Variants in AFAP1 observed in about 807,000 individuals in gnomAD.
AFAP1 encodes actin filament-associated protein 1.
In AFAP1, 75 loss-of-function variants were observed where a neutral mutation model predicts 93.9. The ratio of observed to expected loss-of-function variants is 0.80; its 90% CI spans 0.66 to 0.97. The LOEUF is 0.97. Among genes scored for constraint, AFAP1 ranks in the 50% least tolerant of loss-of-function variants. AFAP1 has a pLI of 0.00. For missense variants in AFAP1, 1,201 were observed against 1,050.8 expected (o/e 1.14, Z -1.98); for synonymous variants, 517 against 430.7 (o/e 1.20, Z -2.48).
At chr4:7,936,227 G>C (rs1018333249) in intron 1 of AFAP1, among the ~76,000 whole-genome samples, 1 of 152,172 alleles carries the variant, frequency 6.6e-6, no homozygotes, top group Non-Finnish European at 1.5e-5. Context: ...CCTTTCTACA[G>C]AGACACGTGG....
intron 16 of AFAP1, among the ~76,000 whole-genome samples, chr4:7,771,871 T>A (rs999419008): frequency 6.6e-6 from 1 of 151,568 alleles, no homozygotes; most frequent in South Asian, 2.1e-4. Flanking sequence ...GATGGGGGGA[T>A]GGGAGAGGCT....
At chr4:7,904,210 T>C (rs1719271429) in intron 1 of AFAP1, among the ~76,000 whole-genome samples, 1 of 152,060 alleles carries the variant, frequency 6.6e-6, no homozygotes, top group Non-Finnish European at 1.5e-5. Context: ...GCCAAACCAA[T>C]ACGTGGAGAC....
intron 1 of AFAP1, among the ~76,000 whole-genome samples, chr4:7,907,317 G>C (rs1719469507): frequency 6.6e-6 from 1 of 152,094 alleles, no homozygotes; most frequent in African/African-American, 2.4e-5. Context: ...CCAAAACTAG[G>C]CTGCAACGTC....
intron 1 of AFAP1, among the ~76,000 whole-genome samples, chr4:7,893,523 G>C (rs1228704686): frequency 6.8e-6 from 1 of 147,620 alleles, no homozygotes; most frequent in Non-Finnish European, 1.5e-5. Context: ...GGACCTTGCA[G>C]TGAGCCGAGA....
intron 1 of AFAP1, among the ~76,000 whole-genome samples, chr4:7,931,327 GTATT>G (rs1272733953): frequency 2.6e-5 from 4 of 152,188 alleles, no homozygotes; most frequent in Non-Finnish European, 5.9e-5. Flanking sequence ...CTAAAAATGA[GTATT>G]TAATTTTTAA....
intron 16 of AFAP1, among the ~76,000 whole-genome samples, chr4:7,770,530 G>T (rs184791329): frequency 6.6e-6 from 1 of 152,190 alleles, no homozygotes; most frequent in Non-Finnish European, 1.5e-5. Context: ...GGAAAGGCAA[G>T]AACGCAGGGC....
At chr4:7,795,550 G>A (rs1380497866) in intron 10 of AFAP1, among the ~76,000 whole-genome samples, 6 of 149,370 alleles carry the variant, frequency 4.0e-5, no homozygotes, top group Admixed American at 1.3e-4. Context: ...TCAGCCTCCC[G>A]AGTAGCTGGG....
intron 11 of AFAP1, among the ~76,000 whole-genome samples, chr4:7,791,426 T>G (rs943682124): frequency 6.6e-6 from 1 of 152,202 alleles, no homozygotes; most frequent in Non-Finnish European, 1.5e-5. Flanking sequence ...GCAGAGGTAC[T>G]AACAGGTAAT....
intron 3 of AFAP1, among the ~76,000 whole-genome samples, chr4:7,861,190 T>C (rs967933848): frequency 6.6e-6 from 1 of 152,178 alleles, no homozygotes; most frequent in Admixed American, 6.5e-5. Context: ...AAAAAATATA[T>C]AATTTGAAAT....
chr4:7,894,703 A>T (rs1442356188), intron 1 of AFAP1, among the ~76,000 whole-genome samples: 10 of 152,062 alleles, frequency 6.6e-5, no homozygotes, highest in African/African-American at 2.4e-4. Flanking sequence ...AGCCCTTCGC[A>T]TCATGTGACC....
At chr4:7,921,183 T>C (rs1390739071) in intron 1 of AFAP1, among the ~76,000 whole-genome samples, 19 of 67,856 alleles carry the variant, frequency 2.8e-4, no homozygotes, top group Non-Finnish European at 7.3e-4. Flanking sequence ...GAGCAAAACT[T>C]TTTTTTTTTT....
chr4:7,874,362 T>C (rs1035578742), intron 1 of AFAP1, among the ~76,000 whole-genome samples: 82 of 60,240 alleles, frequency 1.4e-3, no homozygotes, highest in African/African-American at 3.4e-3. Context: ...TTTTCTTTTT[T>C]TTTTTTTTTT....
At chr4:7,918,559 T>G (rs1211117916) in intron 1 of AFAP1, among the ~76,000 whole-genome samples, 2 of 95,224 alleles carry the variant, frequency 2.1e-5, no homozygotes, top group Non-Finnish European at 2.0e-5. Flanking sequence ...GGCTGCCAGA[T>G]GAGACACTCG....
In AFAP1 at chr4:7,831,798, G is replaced by A. The variant is rs140449168; in HGVS notation, c.726+6726C>T. ...AGAACGCAGAAGGATGGGTACAGGT[G>A]ACCAAAAGCATGGGATCGGGTGAAG... On this transcript the variant is annotated intron_variant, in intron 6 of 17. Coordinates refer to ENST00000420658, the MANE Select transcript of AFAP1 (RefSeq NM_001134647.2). Among the ~76,000 whole-genome samples the A allele has an allele frequency of 2.4e-4, 37 of 152,336 alleles. No individual in the cohort carries two copies. The East Asian group carries it at 6.9e-3, about 29-fold the overall frequency.
rs573746970 is a variant in AFAP1, at chr4:7,804,784, G to A, written c.1055-4131C>T. 1.1e-4 allele frequency among the ~76,000 whole-genome samples: 16 copies of A among 152,292 alleles called. No homozygotes were observed. The South Asian group carries it at 2.9e-3, about 28-fold the overall frequency. ...AAAACGTTCAACACTTTTGAGAGACGTTTTATCCCAATGTAACTGTTCATT... is the reference window on the plus strand; with the variant it reads ...AAAACGTTCAACACTTTTGAGAGACATTTTATCCCAATGTAACTGTTCATT... On this transcript the variant is annotated intron_variant, in intron 9 of 17. Transcript: ENST00000420658.
At chr4:7,937,468 G>A (rs991971101) in intron 1 of AFAP1, among the ~76,000 whole-genome samples, 8 of 152,274 alleles carry the variant, frequency 5.3e-5, no homozygotes, top group African/African-American at 1.4e-4. Flanking sequence ...TTCCAGAGCC[G>A]GACGTAGACC....
chr4:7,813,808 G>C (rs1481756950), intron 8 of AFAP1, among the ~76,000 whole-genome samples: 2 of 152,196 alleles, frequency 1.3e-5, no homozygotes, highest in Non-Finnish European at 2.9e-5. Flanking sequence ...AGTGAACTCT[G>C]TAATGTCATA....
chr4:7,919,105 G>T (rs1305604268), intron 1 of AFAP1, among the ~76,000 whole-genome samples: 1 of 151,876 alleles, frequency 6.6e-6, no homozygotes, highest in Non-Finnish European at 1.5e-5. Flanking sequence ...TGAGACACTA[G>T]GCCCAGATCA....
chr4:7,871,724 G>A (rs941299733), intron 2 of AFAP1, among the ~76,000 whole-genome samples: 1 of 152,160 alleles, frequency 6.6e-6, no homozygotes, highest in African/African-American at 2.4e-5. Context: ...TTGCCCTGAG[G>A]ACTCCCAAAA....
Sources: gnomAD v4.1 joint callset for allele counts (sites outside exome capture counted in the v4.1 genomes callset) on GRCh38, gnomAD v4.1.1 for gene constraint, MANE v1.5 for transcripts, NCBI Gene and HGNC (gene_info 2026-07-23, HGNC 2026-07-21) for gene names.